Variants in SGK1 observed in about 807,000 individuals in gnomAD.
SGK1 encodes serum/glucocorticoid regulated kinase 1.
Under a neutral mutation model 64.2 loss-of-function variants are expected in SGK1, and 26 were observed. The observed-to-expected ratio is 0.40, with a 90% confidence interval of 0.30 to 0.56. The LOEUF is 0.56. Ranked by LOEUF, SGK1 falls within the 20% of genes least tolerant of loss-of-function variation. The probability of loss-of-function intolerance (pLI) is 0.38; values close to 1 mark genes in which losing one functional copy is unlikely to be tolerated. For synonymous variants in SGK1, 265 were observed against 239.7 expected (o/e 1.11, Z -0.98); for missense variants, 519 against 645.6 (o/e 0.80, Z 2.12).
In SGK1 at chr6:134,280,186, G is replaced by A. The variant is rs1162634888; in HGVS notation, c.70-18038C>T. ...CTCCAGCCTGGGCAACAGGCAGAAT[G>A]AGACACTGTCTCAAAAAAAAAAAAA... is the stretch of plus-strand genomic sequence containing the variant. On this transcript the variant is annotated intron_variant, in intron 1 of 13. Transcript: ENST00000367858. Among the ~76,000 whole-genome samples, 7 of 141,574 alleles carry A rather than the reference G, an allele frequency of 4.9e-5. No homozygotes were observed. In the East Asian group the frequency reaches 6.2e-4, roughly 12 times the overall value. 92.9% of individuals were successfully genotyped at this position (141,574 alleles called of 152,430 possible). A position where few individuals can be genotyped will look rare whatever the true frequency, so the allele number is the denominator to read the frequency against.
chr6:134,182,887 G>C (rs1227860174), intron 3 of SGK1, among the ~76,000 whole-genome samples: 1 of 152,222 alleles, frequency 6.6e-6, no homozygotes, highest in East Asian at 1.9e-4. Flanking sequence ...CCAAGTGTTT[G>C]CAGCAAAGAC....
chr6:134,193,070 T>C (rs1775540590), intron 3 of SGK1, among the ~76,000 whole-genome samples: 3 of 152,236 alleles, frequency 2.0e-5, no homozygotes, highest in Admixed American at 1.3e-4. Flanking sequence ...AGGGCATATG[T>C]TCAAAAATCT....
At chr6:134,271,874 C>T (rs977102109) in intron 1 of SGK1, among the ~76,000 whole-genome samples, 1 of 147,626 alleles carries the variant, frequency 6.8e-6, no homozygotes, top group Admixed American at 6.9e-5. Flanking sequence ...TGGAGTCTTG[C>T]TCTGTTGCCT....
intron 1 of SGK1, among the ~76,000 whole-genome samples, chr6:134,270,829 G>A (rs1776927666): frequency 6.8e-6 from 1 of 148,068 alleles, no homozygotes. Flanking sequence ...CTCTTCAGAG[G>A]ACAGTGCTTG....
Position 134,190,232 on chromosome 6 carries a change from C to T in SGK1, c.362-15646G>A, listed in dbSNP as rs1177401372. 2.6e-5 allele frequency among the ~76,000 whole-genome samples: 4 copies of T among 151,512 alleles called. No individual in the cohort carries two copies. In the East Asian group the frequency reaches 7.8e-4, roughly 29 times the overall value. On this transcript the variant is annotated intron_variant, in intron 3 of 13. Transcript: ENST00000367858. The stretch of plus-strand genomic sequence containing the variant: ...GACTTTTCCTTCTATAGTGGGAAAA[C>T]AACAATCAAAGAGCAGAAATGGGGC...
intron 10 of SGK1, 86 bp from the exon 11 acceptor site, chr6:134,171,818 A>G (rs1775036380): frequency 2.3e-6 from 2 of 859,292 alleles, no homozygotes; most frequent in Non-Finnish European, 3.8e-6. Context: ...AAAAGCTGAG[A>G]GACCCAGAGC....
At chr6:134,219,932 G>A (rs1776056723) in intron 2 of SGK1, among the ~76,000 whole-genome samples, 1 of 144,184 alleles carries the variant, frequency 6.9e-6, no homozygotes, top group Admixed American at 7.0e-5. Context: ...AGGGGCGGGC[G>A]CCTGTAGTCC....
At chr6:134,270,370 G>GAA (rs201199556) in intron 1 of SGK1, among the ~76,000 whole-genome samples, 1 of 139,178 alleles carries the variant, frequency 7.2e-6, no homozygotes, top group African/African-American at 2.6e-5. Context: ...TAGGCCTTAG[G>GAA]AAAAAAAAAA....
chr6:134,261,142 G>C (rs1025688647), intron 2 of SGK1: 25 of 152,090 alleles, frequency 1.6e-4, no homozygotes, highest in Non-Finnish European at 5.9e-5. Context: ...TGGAGTAGCA[G>C]GGAAAATAAG....
chr6:134,206,358 TATATATATATATATATATATATA>T lies in SGK1; in HGVS notation c.361+975_361+997del, dbSNP rs1562250239. Among the ~76,000 whole-genome samples, 6 of 8,216 alleles carry T rather than the reference TATATATATATATATATATATATA, an allele frequency of 7.3e-4. No homozygotes were observed. In the South Asian group the frequency reaches 0.014, roughly 20 times the overall value. 5.4% of individuals were successfully genotyped at this position (8,216 alleles called of 152,430 possible). A position where few individuals can be genotyped will look rare whatever the true frequency, so the allele number is the denominator to read the frequency against. On this transcript the variant is annotated intron_variant, in intron 3 of 13. Transcript: ENST00000367858. The stretch of plus-strand genomic sequence containing the variant: ...CTGATGATATATATATATATATATA[TATATATATATATATATATATATA>T]TATTTTTTTTTTTTTTTTTTTTTTT...
chr6:134,181,393 G>A (rs1455834707), intron 3 of SGK1, among the ~76,000 whole-genome samples: 1 of 151,940 alleles, frequency 6.6e-6, no homozygotes, highest in Non-Finnish European at 1.5e-5. Context: ...CGCCCAGACT[G>A]GAGTGCAGTG....
chr6:134,175,527 C>CTTACCA, intron 3 of SGK1: 1 of 1,470,802 alleles, frequency 6.8e-7, no homozygotes, highest in Non-Finnish European at 9.1e-7. Context: ...CCCAGCGGGG[C>CTTACCA]CGGCGGCGGC....
chr6:134,172,853 GCAGGAAGTGGCCC>G, intron 8 of SGK1, 79 bp from the exon 9 acceptor site: 2 of 1,227,848 alleles, frequency 1.6e-6, no homozygotes, highest in Non-Finnish European at 2.4e-6. Context: ...AAGAACAACT[GCAGGAAGTGGCCC>G]CAAGTAATCT....
intron 1 of SGK1, among the ~76,000 whole-genome samples, chr6:134,264,956 A>G (rs1170358205): frequency 6.6e-6 from 1 of 152,210 alleles, no homozygotes; most frequent in East Asian, 1.9e-4. Context: ...CCTGCAATTA[A>G]CTTTTTAAAA....
intron 2 of SGK1, chr6:134,260,035 T>C (rs1776740333): frequency 6.6e-6 from 1 of 152,174 alleles, no homozygotes; most frequent in South Asian, 2.1e-4. Flanking sequence ...ATCAATCTCA[T>C]TTGATTTTTC....
intron 3 of SGK1, among the ~76,000 whole-genome samples, chr6:134,177,213 AAAACAAAC>A (rs146227673): frequency 6.7e-6 from 1 of 149,234 alleles, no homozygotes; most frequent in Non-Finnish European, 1.5e-5. Flanking sequence ...ACTCCGTCTC[AAAACAAAC>A]AAACAAACAA....
At chr6:134,310,222 T>C (rs1489986595) in intron 1 of SGK1, among the ~76,000 whole-genome samples, 1 of 152,198 alleles carries the variant, frequency 6.6e-6, no homozygotes, top group Non-Finnish European at 1.5e-5. Flanking sequence ...TAAAAAATGG[T>C]GCAGAATTTC....
intron 1 of SGK1, among the ~76,000 whole-genome samples, chr6:134,304,117 G>T (rs776440749): frequency 2.6e-5 from 4 of 152,148 alleles, no homozygotes; most frequent in Non-Finnish European, 5.9e-5. Context: ...CAATAGAGAT[G>T]CACTGACACC....
intron 1 of SGK1, among the ~76,000 whole-genome samples, chr6:134,278,718 C>T (rs772099539): frequency 6.6e-6 from 1 of 151,966 alleles, no homozygotes; most frequent in Non-Finnish European, 1.5e-5. Context: ...TATGAAGTAC[C>T]TATTATGTCC....
Sources: gnomAD v4.1 joint callset for allele counts (sites outside exome capture counted in the v4.1 genomes callset) on GRCh38, gnomAD v4.1.1 for gene constraint, MANE v1.5 for transcripts, NCBI Gene and HGNC (gene_info 2026-07-23, HGNC 2026-07-21) for gene names.